Variants in LYN observed in about 807,000 individuals in gnomAD.
LYN encodes the protein tyrosine-protein kinase Lyn.
LYN carries 12 observed loss-of-function variants against 65.0 expected under a neutral mutation model. The observed-to-expected ratio is 0.18, with a 90% CI of 0.12 to 0.30. The LOEUF (loss-of-function observed/expected upper bound fraction) is 0.30, where lower values mean the gene tolerates loss of function less well. Ranked by LOEUF, LYN falls within the 10% of genes least tolerant of loss-of-function variation. LYN has a pLI of 1.00. For missense variants in LYN, 380 were observed against 623.2 expected (o/e 0.61, Z 4.16); for synonymous variants, 222 against 221.2 (o/e 1.00, Z -0.03).
intron 1 of LYN, among the ~76,000 whole-genome samples, chr8:55,896,229 C>T (rs1472607186): frequency 6.6e-6 from 1 of 151,412 alleles, no homozygotes; most frequent in African/African-American, 2.4e-5. Context: ...ATGATTATGC[C>T]ACTGCACTCC....
chr8:55,883,522 G>T (rs1003489382), intron 1 of LYN, among the ~76,000 whole-genome samples: 2 of 152,260 alleles, frequency 1.3e-5, no homozygotes, highest in East Asian at 3.9e-4. Flanking sequence ...GCTGCTGTCC[G>T]AGCAGCCCTA....
intron 4 of LYN, among the ~76,000 whole-genome samples, chr8:55,949,127 G>A (rs1033016045): frequency 6.6e-6 from 1 of 152,128 alleles, no homozygotes; most frequent in African/African-American, 2.4e-5. Flanking sequence ...TCACTTGCTT[G>A]GAATTGTCTT....
intron 4 of LYN, among the ~76,000 whole-genome samples, chr8:55,948,521 T>C (rs889504082): frequency 6.6e-6 from 1 of 152,218 alleles, no homozygotes. Context: ...CCCCTCTTGC[T>C]GACTCAGACA....
At position 56,013,691 on chromosome 8, in the gene LYN, T is replaced by C. The variant is rs1019887809; in HGVS notation, c.*3581T>C. 6.6e-6 allele frequency: 1 copy of C among 152,250 alleles called. No homozygotes were observed. The highest frequency in any genetic ancestry group is 2.4e-5 in the African/African-American group (1 of 41,452). 9.4% of individuals were successfully genotyped at this position (152,250 alleles called of 1,614,324 possible). On this transcript the variant is annotated 3_prime_UTR_variant, in exon 13 of 13. Coordinates refer to ENST00000519728, the MANE Select transcript of LYN (RefSeq NM_002350.4). ...CACCTTCAAATAAATTAAATGCTGGTCCTAGGGCTCGCTCCCCAGCTCTTC... is the reference window on the plus strand; with the variant it reads ...CACCTTCAAATAAATTAAATGCTGGCCCTAGGGCTCGCTCCCCAGCTCTTC...
At chr8:55,896,830 C>G (rs1319203555) in intron 1 of LYN, among the ~76,000 whole-genome samples, 2 of 152,124 alleles carry the variant, frequency 1.3e-5, no homozygotes, top group African/African-American at 4.8e-5. Context: ...CCTCTGCCTT[C>G]CGGGTTCAAG....
intron 1 of LYN, among the ~76,000 whole-genome samples, chr8:55,909,645 T>C (rs1349277455): frequency 6.6e-6 from 1 of 152,258 alleles, no homozygotes; most frequent in Non-Finnish European, 1.5e-5. Flanking sequence ...TCAATGGTAG[T>C]TCCAGTTTTC....
At chr8:56,000,420 G>A (rs1808480682) in intron 12 of LYN, among the ~76,000 whole-genome samples, 1 of 151,962 alleles carries the variant, frequency 6.6e-6, no homozygotes, top group Admixed American at 6.6e-5. Flanking sequence ...CATGGTCTGT[G>A]CTGGCATGGT....
At chr8:55,894,900 A>G (rs1805050986) in intron 1 of LYN, among the ~76,000 whole-genome samples, 1 of 151,998 alleles carries the variant, frequency 6.6e-6, no homozygotes, top group African/African-American at 2.4e-5. Flanking sequence ...GCTGGTTTCA[A>G]TCTCCTGTGC....
rs1808800615 is a variant in LYN, at chr8:56,011,001, G to T, written c.*891G>T. 1 of 232,270 alleles carries T rather than the reference G, an allele frequency of 4.3e-6. No individual in the cohort carries two copies. 14.4% of individuals were successfully genotyped at this position (232,270 alleles called of 1,614,324 possible). Reference sequence around the variant, plus strand: ...TTCTAATCTCTGAAGAACCTTATAGGGCCTTCTAAAACATAAGAGTTTCCT... The same window carrying T: ...TTCTAATCTCTGAAGAACCTTATAGTGCCTTCTAAAACATAAGAGTTTCCT... On this transcript the variant is annotated 3_prime_UTR_variant, in exon 13 of 13. Coordinates refer to ENST00000519728, the MANE Select transcript of LYN (RefSeq NM_002350.4).
At chr8:55,979,596 C>T (rs1807860644) in intron 10 of LYN, among the ~76,000 whole-genome samples, 1 of 152,110 alleles carries the variant, frequency 6.6e-6, no homozygotes, top group Admixed American at 6.6e-5. Context: ...TAGCCCTTGC[C>T]CCCATTTAAG....
rs114938418 is a variant in LYN at position 55,964,255 on chromosome 8, G to A, written c.791-2460G>A. On this transcript the variant is annotated intron_variant, in intron 8 of 12. Coordinates refer to ENST00000519728, the MANE Select transcript of LYN (RefSeq NM_002350.4). ...TTTTTTGTTTTGTTTTAGAGAAGGG[G>A]GTCTCACTATATTGCCCAGGTTAGT... 4.8e-3 allele frequency among the ~76,000 whole-genome samples: 722 copies of A among 151,436 alleles called. 4 individuals are homozygous for A. The highest frequency in any genetic ancestry group is 0.016 in the African/African-American group (672 of 41,220).
chr8:55,890,501 G>A (rs1233993288), intron 1 of LYN, among the ~76,000 whole-genome samples: 1 of 152,184 alleles, frequency 6.6e-6, no homozygotes, highest in Non-Finnish European at 1.5e-5. Context: ...AAATGCTACA[G>A]CTATGATGGA....
chr8:55,942,166 G>C (rs1806630056), intron 2 of LYN, among the ~76,000 whole-genome samples, 175 bp downstream of exon 2: 1 of 151,842 alleles, frequency 6.6e-6, no homozygotes, highest in African/African-American at 2.4e-5. Context: ...AAATATTTTA[G>C]GGATAACTAG....
At chr8:56,000,212 G>T (rs1808476356) in intron 12 of LYN, among the ~76,000 whole-genome samples, 1 of 152,152 alleles carries the variant, frequency 6.6e-6, no homozygotes, top group South Asian at 2.1e-4. Context: ...ATGGAGACAA[G>T]GATTTCCGAT....
chr8:55,942,331 GTA>G (rs111298995), intron 2 of LYN, among the ~76,000 whole-genome samples: 3,574 of 128,836 alleles, frequency 0.028, 91 homozygotes, highest in African/African-American at 0.068. Context: ...ATATATATGT[GTA>G]TATATATATG....
chr8:55,928,900 G>GT (rs559284145), intron 1 of LYN, among the ~76,000 whole-genome samples: 1 of 151,894 alleles, frequency 6.6e-6, no homozygotes, highest in South Asian at 2.1e-4. Context: ...GAGTTTTATA[G>GT]TTTTTTGTTT....
intron 1 of LYN, among the ~76,000 whole-genome samples, chr8:55,886,766 A>G (rs1184889909): frequency 6.6e-6 from 1 of 152,254 alleles, no homozygotes; most frequent in African/African-American, 2.4e-5. Context: ...ATAGATATAC[A>G]TAGTTTCAGG....
chr8:55,957,996 A>G (rs183247942), intron 8 of LYN, among the ~76,000 whole-genome samples: 53 of 152,304 alleles, frequency 3.5e-4, no homozygotes, highest in Admixed American at 1.0e-3. Flanking sequence ...GATGCCTGGC[A>G]TCAAAAGTGC....
At chr8:55,882,712 G>A (rs908244346) in intron 1 of LYN, among the ~76,000 whole-genome samples, 5 of 152,182 alleles carry the variant, frequency 3.3e-5, no homozygotes, top group Admixed American at 6.5e-5. Context: ...TTTGTTCAGG[G>A]CTCTGAAGTC....
Sources: gnomAD v4.1 joint callset for allele counts (sites outside exome capture counted in the v4.1 genomes callset) on GRCh38, gnomAD v4.1.1 for gene constraint, MANE v1.5 for transcripts, NCBI Gene and HGNC (gene_info 2026-07-23, HGNC 2026-07-21) for gene names.